Variants in KAZN observed in about 807,000 individuals in gnomAD.
The protein encoded by KAZN is kazrin, periplakin interacting protein, also known as kazrin.
In KAZN, 40 loss-of-function variants were observed where a neutral mutation model predicts 87.4. The ratio of observed to expected loss-of-function variants is 0.46; its 90% confidence interval spans 0.36 to 0.60. The LOEUF (loss-of-function observed/expected upper bound fraction) is 0.60, where lower values mean the gene tolerates loss of function less well. Among genes scored for constraint, KAZN ranks in the 20% least tolerant of loss-of-function variants. KAZN has a pLI of 0.00. For missense variants in KAZN, 898 were observed against 1,073.9 expected (o/e 0.84, Z 2.29); for synonymous variants, 466 against 458.3 (o/e 1.02, Z -0.22).
intron 1 of KAZN, among the ~76,000 whole-genome samples, chr1:14,165,988 T>C (rs986814009): frequency 1.4e-4 from 22 of 152,054 alleles, no homozygotes; most frequent in African/African-American, 5.3e-4. Flanking sequence ...CAGTACGGAA[T>C]ATGCGTAAGG....
At chr1:13,996,228 C>T (rs939858350) in intron 1 of KAZN, among the ~76,000 whole-genome samples, 2 of 152,176 alleles carry the variant, frequency 1.3e-5, no homozygotes, top group East Asian at 1.9e-4. Flanking sequence ...ATCCCACTCA[C>T]AAACGTGTGC....
At chr1:14,046,123 A>G (rs1277750599) in intron 1 of KAZN, among the ~76,000 whole-genome samples, 1 of 152,212 alleles carries the variant, frequency 6.6e-6, no homozygotes. Flanking sequence ...CAGTTTGATA[A>G]AAAATTTAAT....
intron 2 of KAZN, among the ~76,000 whole-genome samples, chr1:14,381,368 A>G (rs1661354041): frequency 6.6e-6 from 1 of 150,456 alleles, no homozygotes; most frequent in East Asian, 2.1e-4. Flanking sequence ...AAACCGGACA[A>G]TCAAAAAAAA....
chr1:13,973,842 T>C (rs1642216298), intron 1 of KAZN, among the ~76,000 whole-genome samples: 1 of 152,230 alleles, frequency 6.6e-6, no homozygotes, highest in Non-Finnish European at 1.5e-5. Flanking sequence ...ACCATCTCTC[T>C]GAGAAGACTT....
chr1:14,595,680 CAAAAAAAAA>C (rs34080804), upstream of KAZN, among the ~76,000 whole-genome samples: 4 of 96,694 alleles, frequency 4.1e-5, no homozygotes, highest in African/African-American at 1.8e-4. Flanking sequence ...GACTGCGTCT[CAAAAAAAAA>C]AAAAAAAAAG....
At chr1:14,678,934 A>G (rs1369933336) in intron 1 of KAZN, among the ~76,000 whole-genome samples, 1 of 152,224 alleles carries the variant, frequency 6.6e-6, no homozygotes, top group Admixed American at 6.5e-5. Context: ...TAGTGAGGGA[A>G]CCAGAGATTA....
At chr1:14,051,887 AC>A (rs1642348123) in intron 1 of KAZN, among the ~76,000 whole-genome samples, 1 of 152,006 alleles carries the variant, frequency 6.6e-6, no homozygotes, top group Admixed American at 6.6e-5. Context: ...AAAACCCAAA[AC>A]CAAAAAAAAT....
At chr1:14,105,276 A>C (rs541331491) in intron 1 of KAZN, among the ~76,000 whole-genome samples, 36 of 152,362 alleles carry the variant, frequency 2.4e-4, no homozygotes, top group African/African-American at 8.7e-4. Flanking sequence ...AAAAAGAACC[A>C]ACCCGATCTG....
At chr1:14,935,896 G>A (rs527961463) in intron 1 of KAZN, among the ~76,000 whole-genome samples, 43 of 152,168 alleles carry the variant, frequency 2.8e-4, no homozygotes, top group Admixed American at 1.2e-3. Context: ...TAGCACCCCC[G>A]CCCCATCTTC....
intron 2 of KAZN, among the ~76,000 whole-genome samples, chr1:14,291,697 G>A (rs1653706304): frequency 6.6e-6 from 1 of 152,150 alleles, no homozygotes; most frequent in South Asian, 2.1e-4. Context: ...TGCACCCACT[G>A]CCCAACCAGT....
chr1:14,244,884 G>A (rs535143836), intron 2 of KAZN, among the ~76,000 whole-genome samples: 85 of 152,190 alleles, frequency 5.6e-4, no homozygotes, highest in African/African-American at 2.0e-3. Flanking sequence ...TATTCGGAGC[G>A]AGTTGAGGCA....
intron 2 of KAZN, among the ~76,000 whole-genome samples, chr1:14,544,350 C>CTTTTTTTTTTTTTTTTTTTTTTTTTT (rs374148415): frequency 1.0e-5 from 1 of 98,120 alleles, no homozygotes; most frequent in Admixed American, 1.4e-4. Flanking sequence ...TTCTTTCTTT[C>CTTTTTTTTTTTTTTTTTTTTTTTTTT]TTTTTTTTTT....
In KAZN at chr1:14,622,817, C is replaced by CT. The variant is rs1678821187; in HGVS notation, c.226+23597dup. ...TCTTTTATTAAGGAGGTGTCAAAAA[C>CT]TTTGTCTTTGGAATCCAATAAGTCT... On this transcript the variant is annotated intron_variant, in intron 1 of 14. Coordinates refer to ENST00000376030, the MANE Select transcript of KAZN (RefSeq NM_201628.3). Among the ~76,000 whole-genome samples, 4 of 152,086 alleles carry CT rather than the reference C, an allele frequency of 2.6e-5. No individual in the cohort carries two copies. The South Asian group carries it at 8.3e-4, about 32-fold the overall frequency.
chr1:14,133,584 T>A (rs888367199), intron 1 of KAZN, among the ~76,000 whole-genome samples: 1 of 152,186 alleles, frequency 6.6e-6, no homozygotes, highest in Middle Eastern at 3.4e-3. Context: ...CTGAATGACC[T>A]CTGTGGAAGC....
At chr1:15,005,773 G>A (rs1255766474) in intron 2 of KAZN, among the ~76,000 whole-genome samples, 1 of 149,686 alleles carries the variant, frequency 6.7e-6, no homozygotes, top group African/African-American at 2.5e-5. Context: ...GCATGGCAGA[G>A]CGATACAACT....
intron 2 of KAZN, among the ~76,000 whole-genome samples, chr1:14,557,629 GGTGTGTGTGTGTGT>G (rs59563758): frequency 7.2e-6 from 1 of 137,938 alleles, no homozygotes; most frequent in African/African-American, 2.7e-5. Flanking sequence ...GGTGTGTGTG[GGTGTGTGTGTGTGT>G]GTGTGTGTGT....
At chr1:14,927,312 C>T (rs1356298011) in intron 1 of KAZN, among the ~76,000 whole-genome samples, 1 of 152,138 alleles carries the variant, frequency 6.6e-6, no homozygotes, top group Non-Finnish European at 1.5e-5. Context: ...GGGCCAGGCA[C>T]TGTTGTAGCT....
At chr1:14,468,132 T>C (rs1208879559) in intron 2 of KAZN, among the ~76,000 whole-genome samples, 1 of 152,124 alleles carries the variant, frequency 6.6e-6, no homozygotes. Context: ...CTACACATGG[T>C]TTTTGGGTTG....
At chr1:14,900,491 C>T (rs1270713516) in intron 1 of KAZN, among the ~76,000 whole-genome samples, 1 of 152,134 alleles carries the variant, frequency 6.6e-6, no homozygotes, top group Admixed American at 6.5e-5. Flanking sequence ...CAGTGGCTCA[C>T]ACCTGTAATC....
Sources: gnomAD v4.1 joint callset for allele counts (sites outside exome capture counted in the v4.1 genomes callset) on GRCh38, gnomAD v4.1.1 for gene constraint, MANE v1.5 for transcripts, NCBI Gene and HGNC (gene_info 2026-07-23, HGNC 2026-07-21) for gene names.